Variants in CENPE observed in about 807,000 individuals in gnomAD.
CENPE encodes centromere protein E, also known as centromere-associated protein E.
In CENPE, 145 loss-of-function variants were observed where a neutral mutation model predicts 336.1. The ratio of observed to expected loss-of-function variants is 0.43; its 90% CI spans 0.38 to 0.50. The LOEUF is 0.50. Ranked by LOEUF, CENPE falls within the 20% of genes least tolerant of loss-of-function variation. The pLI is 0.00. For synonymous variants in CENPE, 1,013 were observed against 984.8 expected (o/e 1.03, Z -0.54); for missense variants, 2,719 against 3,023.3 (o/e 0.90, Z 2.36).
chr4:103,191,719 T>G (rs11733940), intron 8 of CENPE, among the ~76,000 whole-genome samples: 2 of 151,652 alleles, frequency 1.3e-5, no homozygotes, highest in East Asian at 3.9e-4. Context: ...GGGTGCAGTA[T>G]ACCAACATGG....
chr4:103,181,019 G>A (rs1756282846), intron 12 of CENPE, among the ~76,000 whole-genome samples: 1 of 152,060 alleles, frequency 6.6e-6, no homozygotes, highest in African/African-American at 2.4e-5. Context: ...TAACTCTGTA[G>A]TTTCTCTTTT....
At chr4:103,175,338 A>T (rs1346262447) in intron 15 of CENPE, among the ~76,000 whole-genome samples, 1 of 151,958 alleles carries the variant, frequency 6.6e-6, no homozygotes, top group Non-Finnish European at 1.5e-5. Flanking sequence ...GAGATAAACC[A>T]TGAGTTAAAA....
chr4:103,146,138 T>A (rs1477152802), intron 29 of CENPE, 31 bp from the exon 30 acceptor site: 1 of 1,581,276 alleles, frequency 6.3e-7, no homozygotes, highest in Admixed American at 1.8e-5. Context: ...GTACAGTTGA[T>A]ATCCAGAGAT....
chr4:103,187,322 G>C (rs1210965327), intron 8 of CENPE, among the ~76,000 whole-genome samples: 1 of 152,086 alleles, frequency 6.6e-6, no homozygotes, highest in African/African-American at 2.4e-5. Flanking sequence ...TCCTCAAGAA[G>C]AGCAACTCCA....
In CENPE at chr4:103,158,290, C is replaced by T. The variant is rs1375634350; in HGVS notation, c.3033+10G>A. 3.3e-5 allele frequency: 52 copies of T among 1,580,090 alleles called. No individual in the cohort carries two copies. The highest frequency in any genetic ancestry group is 4.2e-5 in the Non-Finnish European group (49 of 1,165,826). On this transcript the variant is annotated intron_variant, in intron 24 of 48. Coordinates refer to ENST00000265148, the MANE Select transcript of CENPE (RefSeq NM_001813.3). ...AGCATATGAAAACTCTGAAAATAAA[C>T]ACCCTTTACCTTTTGCTGAAATTCA...
intron 42 of CENPE, among the ~76,000 whole-genome samples, chr4:103,130,449 C>T (rs1486985326): frequency 1.3e-5 from 2 of 151,984 alleles, no homozygotes; most frequent in African/African-American, 2.4e-5. Flanking sequence ...AATACATAGG[C>T]AAATCTAACA....
chr4:103,184,270 C>G (rs145280115), intron 9 of CENPE, among the ~76,000 whole-genome samples: 4 of 152,314 alleles, frequency 2.6e-5, no homozygotes, highest in African/African-American at 9.6e-5. Flanking sequence ...GAGCTCAAGT[C>G]TGTTGAACAA....
Position 103,145,154 on chromosome 4 carries a change from T to C in CENPE, c.4753A>G (p.Ile1585Val). Residue 1585 changes from isoleucine (I) to valine (V), a missense_variant, in exon 32 of 49, where the codon ATA (isoleucine) becomes GTA (valine). By Grantham distance (29) the Ile-to-Val change is conservative. Around this residue, in one of 5 missense-constraint regions of CENPE, gnomAD observed 2,437 missense variants for 2,513.3 expected, o/e 0.97. Coordinates refer to ENST00000265148, the MANE Select transcript of CENPE (RefSeq NM_001813.3). ...TNRLQESQEE[I>V]QIMIKEKEEM... Reference sequence around the variant, plus strand: ...TCTTTTTCCTTAATCATAATTTGTATTTCTTCTTGACTTTCTTGAAGTCTG... The same window carrying C: ...TCTTTTTCCTTAATCATAATTTGTACTTCTTCTTGACTTTCTTGAAGTCTG... The C allele has an allele frequency of 6.2e-7, 1 of 1,613,056 alleles. No homozygotes were observed. Among genetic ancestry groups the C allele is most frequent in the South Asian group, 1.1e-5 (1 of 90,824 alleles).
At chr4:103,180,826 T>A (rs952341626) in intron 12 of CENPE, among the ~76,000 whole-genome samples, 2 of 152,164 alleles carry the variant, frequency 1.3e-5, no homozygotes, top group Non-Finnish European at 2.9e-5. Flanking sequence ...CTCATAAGAT[T>A]ACCATTTGAT....
chr4:103,133,745 T>C lies in CENPE; in HGVS notation c.6670A>G (p.Arg2224Gly). 1 of 1,610,772 alleles carries C rather than the reference T, an allele frequency of 6.2e-7. No individual in the cohort carries two copies. The highest frequency in any genetic ancestry group is 8.5e-7 in the Non-Finnish European group (1 of 1,178,408). The change falls in exon 41 of 49, where the codon AGA (arginine) becomes GGA (glycine). Residue 2224 changes from arginine (R) to glycine (G), a missense_variant. Arg to Gly is a moderately radical substitution (Grantham distance 125). Coordinates refer to ENST00000265148, the MANE Select transcript of CENPE (RefSeq NM_001813.3). ...HLQQDCDVPSRELRDLKLNQN... is the reference protein window; with the variant it reads ...HLQQDCDVPSGELRDLKLNQN... ...TTCAATTTGAGATCCCTTAATTCTC[T>C]GGATGGTACATCACAATCTTGTTGA...
At position 103,138,318 on chromosome 4, in the gene CENPE, T is replaced by C. The variant is rs768929004; in HGVS notation, c.6303+33A>G. 4 of 1,413,552 alleles carry C rather than the reference T, an allele frequency of 2.8e-6. No individual in the cohort carries two copies. The African/African-American group carries it at 4.2e-5, about 15-fold the overall frequency. The allele number at this position is 1,413,552 out of a possible 1,614,324, so 87.6% of individuals were successfully genotyped here. A position where few individuals can be genotyped will look rare whatever the true frequency, so the allele number is the denominator to read the frequency against. ...CGGTAAGCCTTTGGAAGACAACCAA[T>C]AATCATTTGTAGTTTTAACAGGGGG... On this transcript the variant is annotated intron_variant, in intron 39 of 48. Transcript: ENST00000265148.
chr4:103,170,369 T>C (rs1338614358), intron 16 of CENPE, among the ~76,000 whole-genome samples: 1 of 152,132 alleles, frequency 6.6e-6, no homozygotes, highest in Non-Finnish European at 1.5e-5. Flanking sequence ...GGAAAACAGT[T>C]GTAACATCAA....
At chr4:103,165,750 G>A (rs990688371) in intron 16 of CENPE, among the ~76,000 whole-genome samples, 5 of 152,096 alleles carry the variant, frequency 3.3e-5, no homozygotes, top group African/African-American at 4.8e-5. Flanking sequence ...TTGGGAGGCC[G>A]AGGCGAGCAG....
At chr4:103,107,523 G>T (rs1748997963) in intron 48 of CENPE, among the ~76,000 whole-genome samples, 1 of 152,158 alleles carries the variant, frequency 6.6e-6, no homozygotes, top group African/African-American at 2.4e-5. Context: ...CCTCTGGTAG[G>T]GTAGGCAGAC....
At chr4:103,197,204 T>C (rs1472899117) in intron 1 of CENPE, among the ~76,000 whole-genome samples, 3 of 152,228 alleles carry the variant, frequency 2.0e-5, no homozygotes, top group Non-Finnish European at 4.4e-5. Context: ...ATGTCATTTC[T>C]CTCTTCCATT....
chr4:103,158,712 T>C lies in CENPE; in HGVS notation c.2776A>G (p.Thr926Ala). ...AGATCATCTTTTTCTTGAGTTAAAG[T>C]TTTTACTTCTTCTAAAGTTTGCTGC... ...KLQQTLEEVK[T>A]LTQEKDDLKQ... The change falls in exon 23 of 49, where the codon ACT becomes GCT. Residue 926 changes from threonine (T) to alanine (A), a missense_variant. Thr to Ala is a moderately conservative substitution (Grantham distance 58). Around this residue, in one of 5 missense-constraint regions of CENPE, gnomAD observed 2,437 missense variants for 2,513.3 expected, o/e 0.97. Coordinates refer to ENST00000265148, the MANE Select transcript of CENPE (RefSeq NM_001813.3). The C allele has an allele frequency of 6.2e-7, 1 of 1,612,990 alleles. No homozygotes were observed. Among genetic ancestry groups the C allele is most frequent in the South Asian group, 1.1e-5 (1 of 91,006 alleles).
At chr4:103,191,442 T>G (rs1002278172) in intron 8 of CENPE, among the ~76,000 whole-genome samples, 4 of 152,264 alleles carry the variant, frequency 2.6e-5, no homozygotes, top group Non-Finnish European at 2.9e-5. Flanking sequence ...ATGTGGCACA[T>G]ATACACCATG....
intron 8 of CENPE, among the ~76,000 whole-genome samples, chr4:103,186,491 T>C (rs1756779885): frequency 6.6e-6 from 1 of 152,240 alleles, no homozygotes; most frequent in Non-Finnish European, 1.5e-5. Context: ...ATGCTAGCTG[T>C]ACTATGCTGT....
Position 103,136,233 on chromosome 4 carries a change from G to A in CENPE, c.6430C>T (p.Leu2144Phe). ...ATGTGTTTGGTTTGTAAATAGGGAA[G>A]TGAGAGGTTTGCTTTAACTCTCATT... is the stretch of plus-strand genomic sequence containing the variant. ...LSMRVKANLSLPYLQTKHIEK... is the reference protein window; with the variant it reads ...LSMRVKANLSFPYLQTKHIEK... The change falls in exon 40 of 49, where the codon CTT (leucine) becomes TTT (phenylalanine). Residue 2144 changes from leucine to phenylalanine, a missense_variant. Physicochemically the swap from Leu to Phe is conservative, Grantham distance 22. Around this residue, in one of 5 missense-constraint regions of CENPE, gnomAD observed 2,437 missense variants for 2,513.3 expected, o/e 0.97. Coordinates refer to ENST00000265148, the MANE Select transcript of CENPE (RefSeq NM_001813.3). 1 of 1,613,742 alleles carries A rather than the reference G, an allele frequency of 6.2e-7. No individual in the cohort carries two copies.
Sources: allele counts gnomAD v4.1 joint callset (sites outside exome capture counted in the v4.1 genomes callset), GRCh38; gene constraint gnomAD v4.1.1; regional missense constraint gnomAD v4.1.1; transcripts MANE v1.5; gene names NCBI Gene and HGNC (gene_info 2026-07-23, HGNC 2026-07-21).